MAPKAPK5: variants seen among roughly 807,000 people sequenced by gnomAD.
MAPKAPK5 encodes the protein MAPK activated protein kinase 5, also known as MAP kinase-activated protein kinase 5.
In MAPKAPK5, 30 loss-of-function variants were observed where a neutral mutation model predicts 65.1. That is an observed-to-expected ratio of 0.46 (90% CI 0.34 to 0.63). MAPKAPK5 has a LOEUF of 0.63. Ranked by LOEUF, MAPKAPK5 falls within the 20% of genes least tolerant of loss-of-function variation. The pLI, the probability that MAPKAPK5 is intolerant of heterozygous loss-of-function variation, is 0.01. For missense variants in MAPKAPK5, 433 were observed against 581.4 expected (o/e 0.74, Z 2.63); for synonymous variants, 179 against 204.6 (o/e 0.87, Z 1.07).
chr12:111,858,833 G>A lies in MAPKAPK5; in HGVS notation c.37-6417G>A, dbSNP rs1207257799. Among the ~76,000 whole-genome samples the A allele has an allele frequency of 2.0e-5, 3 of 146,426 alleles. 1 individual carries two copies. The highest frequency in any genetic ancestry group is 7.6e-5 in the African/African-American group (3 of 39,426). On this transcript the variant is annotated intron_variant, in intron 1 of 13. Coordinates refer to ENST00000550735, the MANE Select transcript of MAPKAPK5 (RefSeq NM_003668.4). ...TGGGATTACAGGCGTGAGCCACCGT[G>A]CTCAGCCTGTTGAGCACCTCTGATC...
At chr12:111,888,799 GT>G in intron 11 of MAPKAPK5, 85 bp from the exon 12 acceptor site, 1 of 1,543,508 alleles carries the variant, frequency 6.5e-7, no homozygotes, top group Non-Finnish European at 8.8e-7. Context: ...TGATACATCT[GT>G]TGCCTTATGT....
chr12:111,875,308 CGTT>C (rs2069926100), intron 7 of MAPKAPK5, among the ~76,000 whole-genome samples: 1 of 151,906 alleles, frequency 6.6e-6, no homozygotes, highest in Non-Finnish European at 1.5e-5. Context: ...TTGTTGCTAT[CGTT>C]GTCTTCAGTG....
intron 1 of MAPKAPK5, among the ~76,000 whole-genome samples, chr12:111,855,552 G>C (rs2136082322): frequency 6.6e-6 from 1 of 152,238 alleles, no homozygotes; most frequent in East Asian, 1.9e-4. Flanking sequence ...GTTTAGGCCA[G>C]GTGCAGTGGC....
In MAPKAPK5 at chr12:111,900,723, G is replaced by A. The variant is rs958867735; in HGVS notation, c.*7662G>A. 1 of 456,066 alleles carries A rather than the reference G, an allele frequency of 2.2e-6. No individual in the cohort carries two copies. The highest frequency in any genetic ancestry group is 4.4e-6 in the Non-Finnish European group (1 of 226,798). The allele number at this position is 456,066 out of a possible 1,614,324, so 28.3% of individuals were successfully genotyped here. On this transcript the variant is annotated 3_prime_UTR_variant, in exon 14 of 14. Coordinates refer to ENST00000550735, the MANE Select transcript of MAPKAPK5 (RefSeq NM_003668.4). The stretch of plus-strand genomic sequence containing the variant: ...TCATAAGTGTAAATTTCACCGTAAG[G>A]GATATCCTTGCTGTCCTTCTAGTCG...
In MAPKAPK5 at chr12:111,849,790, C is replaced by G. The variant is rs763284436; in HGVS notation, c.36+7021C>G. ...GGAGTGTAGTGATGCGATCACAGTT[C>G]GCTGCAGCCATGTCCTTCTAGGCTT... On this transcript the variant is annotated intron_variant, in intron 1 of 13. Transcript: ENST00000550735. 2.0e-5 allele frequency among the ~76,000 whole-genome samples: 3 copies of G among 152,134 alleles called. No individual in the cohort carries two copies. In the East Asian group the frequency reaches 5.8e-4, roughly 29 times the overall value.
rs1054746262 is a variant in MAPKAPK5, at chr12:111,899,701, A to G, written c.*6640A>G. 1.6e-5 allele frequency: 5 copies of G among 307,452 alleles called. No homozygotes were observed. The East Asian group carries it at 4.0e-4, about 24-fold the overall frequency. 19.0% of individuals were successfully genotyped at this position (307,452 alleles called of 1,614,324 possible). A position where few individuals can be genotyped will look rare whatever the true frequency, so the allele number is the denominator to read the frequency against. On this transcript the variant is annotated 3_prime_UTR_variant, in exon 14 of 14. Transcript: ENST00000550735. The stretch of plus-strand genomic sequence containing the variant: ...CCTTTCATCTCACATGACTGCCACT[A>G]TGAAGGCTACATAGAAGGAGTGTCA...
rs1251205547 is a variant in MAPKAPK5, at chr12:111,860,152, C to G, written c.37-5098C>G. Among the ~76,000 whole-genome samples the G allele has an allele frequency of 2.0e-5, 3 of 152,210 alleles. No homozygotes were observed. The South Asian group carries it at 6.2e-4, about 32-fold the overall frequency. ...CCCTGTATCTGTTTAACTTAGTTGT[C>G]AGCCAGTGATTTGGGCAGAGGTTCT... On this transcript the variant is annotated intron_variant, in intron 1 of 13. Coordinates refer to ENST00000550735, the MANE Select transcript of MAPKAPK5 (RefSeq NM_003668.4).
At position 111,888,507 on chromosome 12, in the gene MAPKAPK5, A is replaced by C; in HGVS notation, c.989A>C (p.Gln330Pro). 1 of 1,613,986 alleles carries C rather than the reference A, an allele frequency of 6.2e-7. No individual in the cohort carries two copies. The highest frequency in any genetic ancestry group is 8.5e-7 in the Non-Finnish European group (1 of 1,179,874). Residue 330 changes from glutamine (Q) to proline (P), a missense_variant, in exon 11 of 14, where the codon CAG (glutamine) becomes CCG (proline). By Grantham distance (76) the Gln-to-Pro change is moderately conservative. Transcript: ENST00000550735. ...ATTCAGGCAGTGGTTGCAGGAATCC[A>C]GCAGGCTCACGCGGAACAGTTGGCC... ...MMDKAVVAGI[Q>P]QAHAEQLANM...
In MAPKAPK5 at chr12:111,862,006, C is replaced by T. The variant is rs149929689; in HGVS notation, c.37-3244C>T. 3.0e-3 allele frequency among the ~76,000 whole-genome samples: 461 copies of T among 152,314 alleles called. 3 individuals carry two copies. Among genetic ancestry groups the T allele is most frequent in the South Asian group, 6.4e-3 (31 of 4,832 alleles). On this transcript the variant is annotated intron_variant, in intron 1 of 13. Coordinates refer to ENST00000550735, the MANE Select transcript of MAPKAPK5 (RefSeq NM_003668.4). ...ATTTCTTAGCACAACCCAGCCTTTG[C>T]ATTTGTCATTGATGTCTTTGAAGAA...
chr12:111,869,975 G>T (rs2069730893), intron 5 of MAPKAPK5, among the ~76,000 whole-genome samples: 1 of 152,138 alleles, frequency 6.6e-6, no homozygotes, highest in South Asian at 2.1e-4. Context: ...GAATGAAAGT[G>T]GGAGCATTTC....
At chr12:111,880,624 C>T (rs1409128251) in intron 8 of MAPKAPK5, 97 bp downstream of exon 8, 11 of 1,021,208 alleles carry the variant, frequency 1.1e-5, no homozygotes, top group African/African-American at 4.7e-5. Context: ...ATTCCTTTCT[C>T]ACCCCTTAAT....
Position 111,899,782 on chromosome 12 carries a change from TAAG to T in MAPKAPK5, c.*6722_*6724del, listed in dbSNP as rs2070959193. The T allele has an allele frequency of 7.9e-6, 3 of 381,444 alleles. No homozygotes were observed. In the Admixed American group the frequency reaches 8.7e-5, roughly 11 times the overall value. The allele number at this position is 381,444 out of a possible 1,614,324, so 23.6% of individuals were successfully genotyped here. A position where few individuals can be genotyped will look rare whatever the true frequency, so the allele number is the denominator to read the frequency against. ...GGTCTCAGGGGCACATCCTCCTGAT[TAAG>T]GAGGAAAAATCTTACAGCATTGAGC... On this transcript the variant is annotated 3_prime_UTR_variant, in exon 14 of 14. Coordinates refer to ENST00000550735, the MANE Select transcript of MAPKAPK5 (RefSeq NM_003668.4).
At chr12:111,859,521 T>TC (rs2069357650) in intron 1 of MAPKAPK5, among the ~76,000 whole-genome samples, 1 of 152,204 alleles carries the variant, frequency 6.6e-6, no homozygotes, top group African/African-American at 2.4e-5. Flanking sequence ...TGCCTTGGCC[T>TC]CCCAAGTGCT....
chr12:111,901,473 T>A lies in MAPKAPK5; in HGVS notation c.*8412T>A. ...AGAACATGCTGTAGACATGATGATA[T>A]TATCATTCATTATACTTTTTATAAT... On this transcript the variant is annotated 3_prime_UTR_variant, in exon 14 of 14. Coordinates refer to ENST00000550735, the MANE Select transcript of MAPKAPK5 (RefSeq NM_003668.4). The A allele has an allele frequency of 2.2e-6, 1 of 451,736 alleles. No homozygotes were observed. Among genetic ancestry groups the A allele is most frequent in the Non-Finnish European group, 4.4e-6 (1 of 225,564 alleles). 28.0% of individuals were successfully genotyped at this position (451,736 alleles called of 1,614,324 possible). A position where few individuals can be genotyped will look rare whatever the true frequency, so the allele number is the denominator to read the frequency against.
At chr12:111,856,462 A>C (rs961030963) in intron 1 of MAPKAPK5, among the ~76,000 whole-genome samples, 10 of 141,042 alleles carry the variant, frequency 7.1e-5, no homozygotes, top group Admixed American at 1.5e-4. Context: ...GCTGGTGTGC[A>C]GTAGCATGAT....
chr12:111,880,442 G>A lies in MAPKAPK5; in HGVS notation c.580-5G>A, dbSNP rs2070155958. 6 of 1,613,444 alleles carry A rather than the reference G, an allele frequency of 3.7e-6. No individual in the cohort carries two copies. In the African/African-American group the frequency reaches 5.3e-5, roughly 14 times the overall value. On this transcript the variant is annotated splice_polypyrimidine_tract_variant and splice_region_variant and intron_variant, in intron 7 of 13. Coordinates refer to ENST00000550735, the MANE Select transcript of MAPKAPK5 (RefSeq NM_003668.4). ...AATGGTCCCCTTTGGTCTGACTCTT[G>A]ACAGGTACTGGAGGCGCAAAGAAGG...
At chr12:111,869,446 G>A (rs1261169506) in intron 5 of MAPKAPK5, among the ~76,000 whole-genome samples, 1 of 152,126 alleles carries the variant, frequency 6.6e-6, no homozygotes, top group Non-Finnish European at 1.5e-5. Flanking sequence ...TCTTGCAGAG[G>A]TGAAAAGCTA....
chr12:111,869,968 T>G (rs2069730676), intron 5 of MAPKAPK5, among the ~76,000 whole-genome samples: 1 of 152,234 alleles, frequency 6.6e-6, no homozygotes, highest in Admixed American at 6.5e-5. Context: ...CTCAGATGAA[T>G]GAAAGTGGGA....
intron 1 of MAPKAPK5, 118 bp downstream of exon 1, chr12:111,842,887 CT>C: frequency 9.6e-7 from 1 of 1,042,802 alleles, no homozygotes; most frequent in Non-Finnish European, 1.3e-6. Context: ...GGGTTTCGGC[CT>C]CCCCCGGATT....
Sources: gnomAD v4.1 joint callset for allele counts (sites outside exome capture counted in the v4.1 genomes callset) on GRCh38, gnomAD v4.1.1 for gene constraint, MANE v1.5 for transcripts, NCBI Gene and HGNC (gene_info 2026-07-23, HGNC 2026-07-21) for gene names.